The following ABCA12 variants were observed in gnomAD, a reference collection of about 807,000 sequenced individuals.
ABCA12 encodes glucosylceramide transporter ABCA12.
ABCA12 carries 156 observed loss-of-function variants against 293.5 expected under a neutral mutation model. The ratio of observed to expected loss-of-function variants is 0.53; its 90% CI spans 0.47 to 0.61. The LOEUF (loss-of-function observed/expected upper bound fraction) is 0.61. Among genes scored for constraint, ABCA12 ranks in the 20% least tolerant of loss-of-function variants. The probability of loss-of-function intolerance (pLI) is 0.00; values close to 1 mark genes in which losing one functional copy is unlikely to be tolerated. For synonymous variants in ABCA12, 1,063 were observed against 1,108.0 expected, an observed-to-expected ratio of 0.96 and a Z score of 0.81; for missense variants, 2,797 against 3,090.2, an observed-to-expected ratio of 0.91 and a Z score of 2.25.
intron 2 of ABCA12, among the ~76,000 whole-genome samples, chr2:215,088,878 G>T (rs1412532036): frequency 6.6e-6 from 1 of 152,006 alleles, no homozygotes; most frequent in Non-Finnish European, 1.5e-5. Context: ...AGCAAAAAAG[G>T]GTTAATTTTT....
In ABCA12 at chr2:215,112,507, G is replaced by GT. The variant is rs1296010147; in HGVS notation, c.70-818dup. Among the ~76,000 whole-genome samples the GT allele has an allele frequency of 7.6e-4, 59 of 77,266 alleles. 1 individual carries two copies. Among genetic ancestry groups the GT allele is most frequent in the African/African-American group, 1.1e-3 (32 of 29,338 alleles). The allele number at this position is 77,266 out of a possible 152,430, so 50.7% of individuals were successfully genotyped here. On this transcript the variant is annotated intron_variant, in intron 1 of 52. Coordinates refer to ENST00000272895, the MANE Select transcript of ABCA12 (RefSeq NM_173076.3). Reference sequence around the variant, plus strand: ...TTTTGTTTTTTTTTTGTTTTTTTTTGTTTTTTTTTGAGACAGAGTCTTGCT... The same window carrying GT: ...TTTTGTTTTTTTTTTGTTTTTTTTTGTTTTTTTTTTGAGACAGAGTCTTGCT...
Position 214,989,362 on chromosome 2 carries a change from G to A in ABCA12, c.3796C>T (p.Leu1266Phe). The A allele has an allele frequency of 1.2e-6, 2 of 1,613,302 alleles. No individual in the cohort carries two copies. Among genetic ancestry groups the A allele is most frequent in the South Asian group, 2.2e-5 (2 of 91,042 alleles). ...LILADSFIYF[L>F]IAWYVRNVFP... ...ACATTCCTGACATACCAAGCAATAA[G>A]GAAATAAATGAAAGAGTCAGCTAGG... The change falls in exon 26 of 53, where the codon CTT (leucine) becomes TTT (phenylalanine). Residue 1266 changes from leucine to phenylalanine, a missense_variant. Leu to Phe is a conservative substitution (Grantham distance 22, BLOSUM62 0). Transcript: ENST00000272895.
intron 20 of ABCA12, among the ~76,000 whole-genome samples, chr2:215,003,716 G>C (rs1424733598): frequency 6.6e-6 from 1 of 150,774 alleles, no homozygotes; most frequent in Non-Finnish European, 1.5e-5. Flanking sequence ...CACCCAGGCT[G>C]AAGTGCAGTG....
In ABCA12 at chr2:215,018,053, A is replaced by T. The variant is rs369515141; in HGVS notation, c.1737T>A (p.Thr579=). 6.2e-7 allele frequency: 1 copy of T among 1,614,204 alleles called. No homozygotes were observed. Among genetic ancestry groups the T allele is most frequent in the African/African-American group, 1.3e-5 (1 of 75,070 alleles). ...TGGGAATGGCCAGCAACTTGTCAAT[A>T]GTCCTGTTGGACATTCCTGTTGTTC... ...LRRTTGMSNR[T]IDKLLAIPIP... is the part of the protein sequence containing the mutation. Residue 579 remains threonine (T), a synonymous_variant, in exon 14 of 53, where the codon ACT becomes ACA. Transcript: ENST00000272895.
At chr2:214,992,315 C>T (rs1270891414) in intron 23 of ABCA12, among the ~76,000 whole-genome samples, 1 of 151,458 alleles carries the variant, frequency 6.6e-6, no homozygotes, top group Non-Finnish European at 1.5e-5. Context: ...TGGTGGCGGG[C>T]CCCCGTAGCC....
Position 215,094,339 on chromosome 2 carries a change from C to A in ABCA12, c.163+17258G>T, listed in dbSNP as rs140512940. 6.1e-4 allele frequency among the ~76,000 whole-genome samples: 93 copies of A among 152,336 alleles called. No homozygotes were observed. In the East Asian group the frequency reaches 0.017, roughly 28 times the overall value. ...CCCATTGCTCAGGGCAATGCTTATGCTGATAAGGTAGCTAAAGAAGCAGCT... is the reference window on the plus strand; with the variant it reads ...CCCATTGCTCAGGGCAATGCTTATGATGATAAGGTAGCTAAAGAAGCAGCT... On this transcript the variant is annotated intron_variant, in intron 2 of 52. Transcript: ENST00000272895.
chr2:215,065,736 G>A (rs541850647), intron 2 of ABCA12, among the ~76,000 whole-genome samples: 30 of 152,122 alleles, frequency 2.0e-4, no homozygotes, highest in Admixed American at 6.6e-4. Flanking sequence ...ATTTTAGCTC[G>A]CTGAGACCAA....
In ABCA12 at chr2:214,932,751, CA is replaced by C. The variant is rs776129596; in HGVS notation, c.7681-11del. ...CAAAGTTGATGAAAACCTGATTTTTCAGGGAAAATAAAGCCATTAATGCCTG... is the reference window on the plus strand; with the variant it reads ...CAAAGTTGATGAAAACCTGATTTTTCGGGAAAATAAAGCCATTAATGCCTG... On this transcript the variant is annotated splice_polypyrimidine_tract_variant and intron_variant, in intron 52 of 52. Coordinates refer to ENST00000272895, the MANE Select transcript of ABCA12 (RefSeq NM_173076.3). 2 of 1,606,362 alleles carry C rather than the reference CA, an allele frequency of 1.2e-6. No individual in the cohort carries two copies. The highest frequency in any genetic ancestry group is 1.7e-6 in the Non-Finnish European group (2 of 1,173,378).
chr2:214,983,112 G>T (rs1429711373), intron 29 of ABCA12, among the ~76,000 whole-genome samples: 1 of 152,182 alleles, frequency 6.6e-6, no homozygotes, highest in Admixed American at 6.5e-5. Context: ...CTAGGCCAGT[G>T]TGCCTTGAGC....
At position 215,046,652 on chromosome 2, in the gene ABCA12, C is replaced by A. The variant is rs796252073; in HGVS notation, c.694-637G>T. Among the ~76,000 whole-genome samples the A allele has an allele frequency of 2.6e-5, 3 of 117,328 alleles. No homozygotes were observed. The African/African-American group carries it at 2.6e-4, about 10-fold the overall frequency. The allele number at this position is 117,328 out of a possible 152,430, so 77.0% of individuals were successfully genotyped here. On this transcript the variant is annotated intron_variant, in intron 6 of 52. Transcript: ENST00000272895. The stretch of plus-strand genomic sequence containing the variant: ...ATGACTGCCAATTTTGTTAAAAAAA[C>A]AATTGTAAGTACTTTACATTGGATT...
chr2:215,070,677 T>C (rs1701720024), intron 2 of ABCA12, among the ~76,000 whole-genome samples: 1 of 151,786 alleles, frequency 6.6e-6, no homozygotes, highest in Non-Finnish European at 1.5e-5. Flanking sequence ...GAATGATGAT[T>C]AAAAATTGTT....
chr2:215,134,797 G>T (rs143779253), intron 1 of ABCA12, among the ~76,000 whole-genome samples: 8 of 150,992 alleles, frequency 5.3e-5, no homozygotes, highest in Middle Eastern at 6.8e-3. Flanking sequence ...ACAGGCATGC[G>T]CCACCATGCC....
intron 1 of ABCA12, among the ~76,000 whole-genome samples, chr2:215,133,095 G>A (rs567802980): frequency 7.2e-6 from 1 of 138,362 alleles, no homozygotes; most frequent in East Asian, 2.5e-4. Flanking sequence ...TCCACTGTTA[G>A]TCTAACCAGT....
At position 214,964,784 on chromosome 2, in the gene ABCA12, C is replaced by T. The variant is rs567544480; in HGVS notation, c.5884+2064G>A. ...TCATGGATAAGAAGAATCAATATCG[C>T]GAAAATGGCCATACTGCCCAAAGTA... On this transcript the variant is annotated intron_variant, in intron 39 of 52. Coordinates refer to ENST00000272895, the MANE Select transcript of ABCA12 (RefSeq NM_173076.3). Among the ~76,000 whole-genome samples the T allele has an allele frequency of 2.0e-4, 30 of 152,064 alleles. No homozygotes were observed. In the South Asian group the frequency reaches 4.0e-3, roughly 20 times the overall value.
intron 2 of ABCA12, among the ~76,000 whole-genome samples, chr2:215,067,924 A>G (rs1315997555): frequency 6.6e-6 from 1 of 152,222 alleles, no homozygotes; most frequent in Non-Finnish European, 1.5e-5. Context: ...TGAAACTAGA[A>G]TTACAAAAAG....
intron 2 of ABCA12, among the ~76,000 whole-genome samples, chr2:215,071,866 C>CATG (rs1222254467): frequency 6.6e-6 from 1 of 152,174 alleles, no homozygotes; most frequent in Non-Finnish European, 1.5e-5. Context: ...TGGAGTGTTG[C>CATG]ATGATGATGC....
intron 2 of ABCA12, among the ~76,000 whole-genome samples, chr2:215,095,036 A>C (rs1430005086): frequency 2.0e-5 from 3 of 152,180 alleles, no homozygotes; most frequent in Admixed American, 1.3e-4. Flanking sequence ...AATAGGACCG[A>C]ACAGTGCCCT....
At chr2:215,054,430 A>C in intron 4 of ABCA12, 143 bp downstream of exon 4, 1 of 715,280 alleles carries the variant, frequency 1.4e-6, no homozygotes, top group South Asian at 1.6e-5. Flanking sequence ...TACTCAGGCA[A>C]CCATGAGGAA....
chr2:214,950,654 G>T (rs896443277), intron 45 of ABCA12, among the ~76,000 whole-genome samples: 3 of 151,504 alleles, frequency 2.0e-5, no homozygotes, highest in Admixed American at 6.6e-5. Flanking sequence ...ACAGACGTGC[G>T]CCCCCATGCC....
Sources: gnomAD v4.1 joint callset for allele counts (sites outside exome capture counted in the v4.1 genomes callset) on GRCh38, gnomAD v4.1.1 for gene constraint, MANE v1.5 for transcripts, NCBI Gene and HGNC (gene_info 2026-07-23, HGNC 2026-07-21) for gene names.